BCKDHA: variants seen among roughly 807,000 people sequenced by gnomAD.
The protein encoded by BCKDHA is branched chain keto acid dehydrogenase E1 subunit alpha, also known as 2-oxoisovalerate dehydrogenase subunit alpha, mitochondrial.
In BCKDHA, 43 loss-of-function variants were observed where a neutral mutation model predicts 52.2. That is an observed-to-expected ratio of 0.82 (90% CI 0.64 to 1.06). The LOEUF (loss-of-function observed/expected upper bound fraction) is 1.06, where lower values mean the gene tolerates loss of function less well. Among genes scored for constraint, BCKDHA ranks in the 50% least tolerant of loss-of-function variants. The pLI is 0.00. For missense variants in BCKDHA, 527 were observed against 621.3 expected (o/e 0.85, Z 1.61); for synonymous variants, 234 against 247.9 (o/e 0.94, Z 0.53).
At chr19:41,411,045 A>G (rs2123254836) in intron 3 of BCKDHA, 36 bp downstream of exon 3, 1 of 1,605,430 alleles carries the variant, frequency 6.2e-7, no homozygotes. Flanking sequence ...GGGGGCTGGA[A>G]TTACCTGAGG....
At chr19:41,417,784 A>G (rs2039321120) in intron 4 of BCKDHA, among the ~76,000 whole-genome samples, 1 of 151,980 alleles carries the variant, frequency 6.6e-6, no homozygotes, top group Non-Finnish European at 1.5e-5. Flanking sequence ...AATTAGCTGG[A>G]TGTGGTGGCA....
intron 1 of BCKDHA, among the ~76,000 whole-genome samples, chr19:41,406,222 A>T (rs892680390): frequency 1.1e-4 from 17 of 152,138 alleles, no homozygotes; most frequent in Non-Finnish European, 2.2e-4. Context: ...CCGTGAAGAT[A>T]GCTGTCCAGC....
Position 41,422,694 on chromosome 19 carries a change from T to C in BCKDHA, c.919T>C (p.Tyr307His), listed in dbSNP as rs138261404. Residue 307 changes from tyrosine (Y) to histidine (H), a missense_variant, in exon 7 of 9, where the codon TAC (tyrosine) becomes CAC (histidine). Tyr to His is a moderately conservative substitution (Grantham distance 83). Coordinates refer to ENST00000269980, the MANE Select transcript of BCKDHA (RefSeq NM_000709.4). Reference protein sequence around the residue: ...RVDGNDVFAVYNATKEARRRA... With the variant: ...RVDGNDVFAVHNATKEARRRA... ...GGATGGTAATGATGTGTTTGCCGTA[T>C]ACAACGCCACAAAGGAGGCCCGACG... is the stretch of plus-strand genomic sequence containing the variant. 5.0e-6 allele frequency: 8 copies of C among 1,614,040 alleles called. No homozygotes were observed. The highest frequency in any genetic ancestry group is 1.7e-5 in the Admixed American group (1 of 60,008).
At chr19:41,410,025 T>A (rs1048455417) in intron 1 of BCKDHA, among the ~76,000 whole-genome samples, 4 of 152,138 alleles carry the variant, frequency 2.6e-5, no homozygotes, top group African/African-American at 9.7e-5. Flanking sequence ...GATCTCGAAC[T>A]CCTGACCTCA....
Position 41,406,723 on chromosome 19 carries a change from T to C in BCKDHA, c.109-3914T>C, listed in dbSNP as rs1275478449. On this transcript the variant is annotated intron_variant, in intron 1 of 8. Coordinates refer to ENST00000269980, the MANE Select transcript of BCKDHA (RefSeq NM_000709.4). The stretch of plus-strand genomic sequence containing the variant: ...TAGCTGGGATTACAGGCACCTACCA[T>C]CATGCACGGCTGTTTTTTGTATTTT... Among the ~76,000 whole-genome samples the C allele has an allele frequency of 3.3e-5, 5 of 152,080 alleles. No individual in the cohort carries two copies. The East Asian group carries it at 9.7e-4, about 29-fold the overall frequency.
At chr19:41,419,031 C>G in intron 4 of BCKDHA, 104 bp from the exon 5 acceptor site, 1 of 1,405,008 alleles carries the variant, frequency 7.1e-7, no homozygotes, top group Non-Finnish European at 1.0e-6. Flanking sequence ...TAAAACAAGC[C>G]TGAGCTTTCC....
Position 41,422,962 on chromosome 19 carries a change from G to A in BCKDHA, c.996-36G>A, listed in dbSNP as rs577452363. The A allele has an allele frequency of 1.1e-4, 178 of 1,596,978 alleles. 4 individuals are homozygous for A. In the South Asian group the frequency reaches 1.8e-3, roughly 16 times the overall value. On this transcript the variant is annotated intron_variant, in intron 7 of 8. Coordinates refer to ENST00000269980, the MANE Select transcript of BCKDHA (RefSeq NM_000709.4). ...TCCCTCCTGACCCCCACTCCAGGGA[G>A]CCCACACTGACCTGGGGCCCCTTGC... is the stretch of plus-strand genomic sequence containing the variant.
chr19:41,408,964 T>G (rs528027916), intron 1 of BCKDHA, among the ~76,000 whole-genome samples: 2 of 150,714 alleles, frequency 1.3e-5, no homozygotes, highest in East Asian at 2.0e-4. Flanking sequence ...TTGTCTTTTT[T>G]TGTGTGTGTG....
At chr19:41,401,842 A>C (rs1416114761) in intron 1 of BCKDHA, among the ~76,000 whole-genome samples, 1 of 152,140 alleles carries the variant, frequency 6.6e-6, no homozygotes, top group Non-Finnish European at 1.5e-5. Context: ...TCTGTGACCC[A>C]GCTCTTCAGG....
intron 4 of BCKDHA, among the ~76,000 whole-genome samples, chr19:41,416,927 C>T (rs1037710806): frequency 6.6e-6 from 1 of 152,078 alleles, no homozygotes; most frequent in African/African-American, 2.4e-5. Context: ...CTGAGACCAA[C>T]AAGAAAAGAG....
chr19:41,401,093 C>T (rs555482575), intron 1 of BCKDHA, among the ~76,000 whole-genome samples: 55 of 151,514 alleles, frequency 3.6e-4, no homozygotes, highest in African/African-American at 9.9e-4. Flanking sequence ...TTTGTTTTTT[C>T]GAGGTGGAGT....
chr19:41,402,823 T>A (rs1004844099), intron 1 of BCKDHA, among the ~76,000 whole-genome samples: 2 of 152,170 alleles, frequency 1.3e-5, no homozygotes, highest in African/African-American at 2.4e-5. Context: ...ATATTTTTAA[T>A]AGAGACAGGG....
intron 1 of BCKDHA, among the ~76,000 whole-genome samples, chr19:41,398,136 A>G (rs2039097203): frequency 6.6e-6 from 1 of 152,170 alleles, no homozygotes; most frequent in South Asian, 2.1e-4. Flanking sequence ...TCTTTAGGAG[A>G]GGAAAAAACC....
At chr19:41,419,329 G>C (rs950557491) in intron 5 of BCKDHA, 33 bp downstream of exon 5, 2 of 1,592,856 alleles carry the variant, frequency 1.3e-6, no homozygotes, top group Non-Finnish European at 1.7e-6. Context: ...TTGCACATGT[G>C]CAGACCAATG....
chr19:41,398,386 T>G (rs184331834), intron 1 of BCKDHA, among the ~76,000 whole-genome samples: 1 of 152,344 alleles, frequency 6.6e-6, no homozygotes, highest in Admixed American at 6.5e-5. Context: ...ACAGGCTGCA[T>G]AGGGCCTTGT....
intron 6 of BCKDHA, 34 bp downstream of exon 6, chr19:41,422,404 G>A (rs1029547026): frequency 6.2e-7 from 1 of 1,612,186 alleles, no homozygotes. Flanking sequence ...CCACCCCGCT[G>A]GGATCATCTC....
intron 5 of BCKDHA, among the ~76,000 whole-genome samples, chr19:41,420,236 G>T (rs573740584): frequency 6.6e-6 from 1 of 152,356 alleles, no homozygotes; most frequent in African/African-American, 2.4e-5. Flanking sequence ...GTGTGCACCA[G>T]GTTCCACTGT....
chr19:41,403,369 C>T (rs555379121), intron 1 of BCKDHA, among the ~76,000 whole-genome samples: 4 of 152,334 alleles, frequency 2.6e-5, no homozygotes, highest in East Asian at 3.9e-4. Context: ...GGCGCCTCAG[C>T]TACCACCTGT....
chr19:41,412,244 C>T (rs2039261648), intron 3 of BCKDHA, among the ~76,000 whole-genome samples: 1 of 150,228 alleles, frequency 6.7e-6, no homozygotes. Context: ...TCCTTTGCCT[C>T]ACCTAGTCCG....
Sources: allele counts gnomAD v4.1 joint callset (sites outside exome capture counted in the v4.1 genomes callset), GRCh38; gene constraint gnomAD v4.1.1; transcripts MANE v1.5; gene names NCBI Gene and HGNC (gene_info 2026-07-23, HGNC 2026-07-21).